MGAT4C: variants seen among roughly 807,000 people sequenced by gnomAD.
MGAT4C encodes MGAT4 family member C.
A neutral mutation model predicts 40.1 loss-of-function variants in MGAT4C; 19 were observed. The ratio of observed to expected loss-of-function variants is 0.47; its 90% confidence interval spans 0.33 to 0.70. MGAT4C has a LOEUF of 0.70. MGAT4C is among the 30% of genes least tolerant of loss of function. MGAT4C has a pLI of 0.02. For missense variants in MGAT4C, 491 were observed against 563.2 expected (o/e 0.87, Z 1.30); for synonymous variants, 181 against 187.1 (o/e 0.97, Z 0.27).
intron 2 of MGAT4C, among the ~76,000 whole-genome samples, chr12:86,455,521 CTCTT>C (rs1341005870): frequency 1.3e-5 from 2 of 152,022 alleles, no homozygotes; most frequent in Admixed American, 6.6e-5. Context: ...AAAAAGGAAA[CTCTT>C]TCTTCACAGA....
At chr12:86,012,197 G>C (rs536127242) in intron 2 of MGAT4C, among the ~76,000 whole-genome samples, 5 of 152,092 alleles carry the variant, frequency 3.3e-5, no homozygotes, top group African/African-American at 1.2e-4. Flanking sequence ...CATATCCCAC[G>C]ATACTTTTTA....
intron 3 of MGAT4C, among the ~76,000 whole-genome samples, chr12:86,342,150 G>A (rs1954919431): frequency 6.6e-6 from 1 of 152,088 alleles, no homozygotes. Context: ...AGCTCCCAGA[G>A]GGAGGGACAG....
At chr12:86,087,550 A>C (rs1872098035) in intron 1 of MGAT4C, among the ~76,000 whole-genome samples, 1 of 152,070 alleles carries the variant, frequency 6.6e-6, no homozygotes. Context: ...TGATTTTTGT[A>C]CATTGATTTT....
chr12:86,308,809 T>C (rs1954002839), intron 4 of MGAT4C, among the ~76,000 whole-genome samples: 1 of 150,552 alleles, frequency 6.6e-6, no homozygotes, highest in South Asian at 2.1e-4. Flanking sequence ...ATATACATTA[T>C]TTCACTTGAT....
intron 1 of MGAT4C, among the ~76,000 whole-genome samples, chr12:86,733,918 A>G (rs1046789415): frequency 1.8e-4 from 27 of 152,172 alleles, no homozygotes; most frequent in African/African-American, 6.5e-4. Context: ...AAAGCGAATT[A>G]CATATTGTGT....
intron 2 of MGAT4C, among the ~76,000 whole-genome samples, chr12:86,499,679 C>G (rs1407011894): frequency 6.6e-6 from 1 of 151,838 alleles, no homozygotes; most frequent in African/African-American, 2.4e-5. Context: ...CAATCACTTT[C>G]TAATAATTCT....
chr12:86,268,974 A>T (rs1390573837), intron 4 of MGAT4C, among the ~76,000 whole-genome samples: 2 of 142,178 alleles, frequency 1.4e-5, no homozygotes, highest in Non-Finnish European at 3.1e-5. Context: ...ACACACATAC[A>T]CATCTCATTT....
intron 1 of MGAT4C, among the ~76,000 whole-genome samples, chr12:86,186,154 C>T (rs1338841021): frequency 6.6e-6 from 1 of 152,072 alleles, no homozygotes; most frequent in Admixed American, 6.6e-5. Flanking sequence ...CAGCCTCACA[C>T]TAGTGCCTTC....
chr12:86,010,885 G>C (rs1481325151), intron 2 of MGAT4C, among the ~76,000 whole-genome samples: 3 of 151,982 alleles, frequency 2.0e-5, no homozygotes, highest in Non-Finnish European at 4.4e-5. Flanking sequence ...CACAAGAGTG[G>C]GTCTGTTATA....
At chr12:86,202,157 A>G (rs1950077454) in intron 1 of MGAT4C, among the ~76,000 whole-genome samples, 1 of 152,152 alleles carries the variant, frequency 6.6e-6, no homozygotes, top group South Asian at 2.1e-4. Context: ...AATGTTAAAT[A>G]AAGCAATGAG....
At chr12:86,767,793 A>C (rs375672480) in intron 1 of MGAT4C, among the ~76,000 whole-genome samples, 1,806 of 152,330 alleles carry the variant, frequency 0.012, 24 homozygotes, top group African/African-American at 0.037. Flanking sequence ...AGATGCAGAA[A>C]AGGCCTTTGA....
intron 1 of MGAT4C, among the ~76,000 whole-genome samples, chr12:86,136,379 A>G (rs1316243100): frequency 6.6e-6 from 1 of 152,198 alleles, no homozygotes; most frequent in Non-Finnish European, 1.5e-5. Flanking sequence ...TGCTATGAAG[A>G]AAAAAGAAAG....
chr12:86,747,502 C>T (rs915026802), intron 1 of MGAT4C, among the ~76,000 whole-genome samples: 44 of 151,454 alleles, frequency 2.9e-4, no homozygotes, highest in Admixed American at 1.3e-4. Context: ...TTTCTAAGTC[C>T]TCTAAAATTT....
intron 4 of MGAT4C, among the ~76,000 whole-genome samples, chr12:86,280,829 T>A (rs932337929): frequency 6.6e-6 from 1 of 152,104 alleles, no homozygotes; most frequent in Non-Finnish European, 1.5e-5. Context: ...ATTGTTTACA[T>A]TTACAAAGTA....
At chr12:86,551,519 A>C (rs1474189048) in intron 2 of MGAT4C, among the ~76,000 whole-genome samples, 1 of 152,108 alleles carries the variant, frequency 6.6e-6, no homozygotes, top group Non-Finnish European at 1.5e-5. Context: ...CTCCTGGTTG[A>C]AACACCCCCA....
chr12:86,413,545 G>T (rs1175973299), intron 3 of MGAT4C, among the ~76,000 whole-genome samples: 1 of 152,188 alleles, frequency 6.6e-6, no homozygotes, highest in Non-Finnish European at 1.5e-5. Flanking sequence ...GACCTGTGTG[G>T]AAGTTTTCTT....
intron 1 of MGAT4C, among the ~76,000 whole-genome samples, chr12:86,247,000 T>A (rs1952064494): frequency 6.6e-6 from 1 of 152,222 alleles, no homozygotes; most frequent in Admixed American, 6.5e-5. Flanking sequence ...TATACCCTGG[T>A]ACAAGTTTTG....
intron 2 of MGAT4C, among the ~76,000 whole-genome samples, chr12:86,680,351 AG>A (rs991018810): frequency 2.0e-5 from 3 of 152,018 alleles, no homozygotes; most frequent in African/African-American, 7.2e-5. Flanking sequence ...ATCATAATCT[AG>A]GCAGATTTAT....
At chr12:86,364,118 A>G (rs1955542130) in intron 3 of MGAT4C, among the ~76,000 whole-genome samples, 1 of 152,000 alleles carries the variant, frequency 6.6e-6, no homozygotes, top group Non-Finnish European at 1.5e-5. Context: ...TGGTCCTGTA[A>G]TTCTAAGAAT....
Sources: gnomAD v4.1 joint callset for allele counts (sites outside exome capture counted in the v4.1 genomes callset) on GRCh38, gnomAD v4.1.1 for gene constraint, MANE v1.5 for transcripts, NCBI Gene and HGNC (gene_info 2026-07-23, HGNC 2026-07-21) for gene names.